ZNF106: variants seen among roughly 807,000 people sequenced by gnomAD.
The protein encoded by ZNF106 is SH3-domain binding protein 3.
In ZNF106, 67 loss-of-function variants were observed where a neutral mutation model predicts 195.1. The ratio of observed to expected loss-of-function variants is 0.34; its 90% CI spans 0.28 to 0.42. The LOEUF (loss-of-function observed/expected upper bound fraction) is 0.42, where lower values mean the gene tolerates loss of function less well. Among genes scored for constraint, ZNF106 ranks in the 10% least tolerant of loss-of-function variants. ZNF106 has a pLI of 1.00. For missense variants in ZNF106, 2,118 were observed against 2,304.5 expected (o/e 0.92, Z 1.66); for synonymous variants, 784 against 818.6 (o/e 0.96, Z 0.72).
At chr15:42,456,838 C>T (rs2056241539) in intron 4 of ZNF106, 120 bp downstream of exon 4, 1 of 926,804 alleles carries the variant, frequency 1.1e-6, no homozygotes, top group Non-Finnish European at 1.6e-6. Flanking sequence ...AGACAACAAC[C>T]TCAAGCTAAA....
At chr15:42,465,914 G>T in intron 3 of ZNF106, 139 bp downstream of exon 3, 1 of 599,582 alleles carries the variant, frequency 1.7e-6, no homozygotes, top group Non-Finnish European at 2.7e-6. Flanking sequence ...ACTACACTTG[G>T]TATTAATTCT....
In ZNF106 at chr15:42,421,979, G is replaced by T; in HGVS notation, c.5383C>A (p.Arg1795=). The T allele has an allele frequency of 6.3e-7, 1 of 1,575,454 alleles. No homozygotes were observed. Among genetic ancestry groups the T allele is most frequent in the South Asian group, 1.2e-5 (1 of 86,800 alleles). Residue 1795 remains arginine (R), a synonymous_variant, in exon 19 of 22, where the codon CGA becomes AGA. Coordinates refer to ENST00000564754, the MANE Select transcript of ZNF106 (RefSeq NM_001366845.3). ...TTGTGTCCTCCATAAACTTGTAATCGATCATGAGACTTAGGCAGAAAAAAA... is the reference window on the plus strand; with the variant it reads ...TTGTGTCCTCCATAAACTTGTAATCTATCATGAGACTTAGGCAGAAAAAAA... ...VRVYELQSHD[R]LQVYGGHKDM...
chr15:42,487,254 A>T (rs1300444776), intron 1 of ZNF106, among the ~76,000 whole-genome samples: 1 of 152,052 alleles, frequency 6.6e-6, no homozygotes, highest in Non-Finnish European at 1.5e-5. Flanking sequence ...GGCTGAGGCA[A>T]CAGAATCACT....
chr15:42,443,127 CAAAGTGCTGGGATT>C (rs1421708402), intron 9 of ZNF106, among the ~76,000 whole-genome samples: 1 of 152,102 alleles, frequency 6.6e-6, no homozygotes, highest in African/African-American at 2.4e-5. Flanking sequence ...CTCAGACTCC[CAAAGTGCTGGGATT>C]ACAGGCATGA....
At chr15:42,442,959 T>A (rs2055613648) in intron 9 of ZNF106, among the ~76,000 whole-genome samples, 1 of 152,010 alleles carries the variant, frequency 6.6e-6, no homozygotes, top group Non-Finnish European at 1.5e-5. Context: ...AATTTTTGTA[T>A]TTTTAGTAGA....
In ZNF106 at chr15:42,448,547, C is replaced by A. The variant is rs1344958910; in HGVS notation, c.2660G>T (p.Ser887Ile). The change falls in exon 6 of 22, where the codon AGC (serine) becomes ATC (isoleucine). Residue 887 changes from serine to isoleucine, a missense_variant. Ser to Ile is a moderately radical substitution (Grantham distance 142, BLOSUM62 -2). Transcript: ENST00000564754. The stretch of plus-strand genomic sequence containing the variant: ...AGAAGGAGCTCTGTCCATGATCACG[C>A]TGCTCTCAGAAAGGCTTCGCTTTCT... ...LARKRSLSES[S>I]VIMDRAPSVY... 1 of 1,614,020 alleles carries A rather than the reference C, an allele frequency of 6.2e-7. No homozygotes were observed. The highest frequency in any genetic ancestry group is 8.5e-7 in the Non-Finnish European group (1 of 1,180,026).
chr15:42,481,646 A>T (rs147259598), intron 1 of ZNF106, among the ~76,000 whole-genome samples: 1 of 152,272 alleles, frequency 6.6e-6, no homozygotes, highest in Non-Finnish European at 1.5e-5. Flanking sequence ...GGAGTGAGCC[A>T]CTACACCCGG....
chr15:42,468,068 C>CTTTTTT (rs200457966), intron 2 of ZNF106, among the ~76,000 whole-genome samples: 56 of 102,126 alleles, frequency 5.5e-4, no homozygotes, highest in East Asian at 8.6e-4. Flanking sequence ...TTCAAAACGC[C>CTTTTTT]TTTTTTTTTT....
At chr15:42,475,158 A>G (rs2056757753) in intron 1 of ZNF106, among the ~76,000 whole-genome samples, 1 of 152,200 alleles carries the variant, frequency 6.6e-6, no homozygotes, top group South Asian at 2.1e-4. Flanking sequence ...ATTTTATTCA[A>G]TAATAAAGTT....
chr15:42,469,591 CAGTACTTTGGG>C (rs1486217889), intron 2 of ZNF106, among the ~76,000 whole-genome samples: 3 of 151,948 alleles, frequency 2.0e-5, no homozygotes, highest in Non-Finnish European at 4.4e-5. Flanking sequence ...TAATTACGCC[CAGTACTTTGGG>C]AGGTCAAGGT....
chr15:42,476,838 T>G (rs2056795497), intron 1 of ZNF106, among the ~76,000 whole-genome samples: 1 of 152,188 alleles, frequency 6.6e-6, no homozygotes, highest in African/African-American at 2.4e-5. Context: ...AACTGTATAC[T>G]TTCTCTTCCT....
intron 1 of ZNF106, among the ~76,000 whole-genome samples, chr15:42,476,621 C>T (rs931156455): frequency 6.6e-6 from 1 of 152,040 alleles, no homozygotes; most frequent in Admixed American, 6.6e-5. Context: ...GTTAACAGTA[C>T]ATTTAGTAAT....
intron 12 of ZNF106, among the ~76,000 whole-genome samples, chr15:42,437,921 A>G (rs2055348326): frequency 2.0e-5 from 3 of 150,878 alleles, no homozygotes; most frequent in Admixed American, 2.0e-4. Context: ...AAAAAAAAAG[A>G]AAAAGAGCTT....
chr15:42,486,061 G>A (rs1483468184), intron 1 of ZNF106, among the ~76,000 whole-genome samples: 2 of 150,634 alleles, frequency 1.3e-5, no homozygotes, highest in South Asian at 4.2e-4. Context: ...GGGTTCAATC[G>A]ATTCTCCTGC....
intron 14 of ZNF106, among the ~76,000 whole-genome samples, chr15:42,428,540 C>T (rs1019721969): frequency 5.3e-5 from 8 of 152,190 alleles, no homozygotes; most frequent in Non-Finnish European, 1.0e-4. Flanking sequence ...TGGTTTTCCG[C>T]ACATGATTCT....
chr15:42,448,131 T>A lies in ZNF106; in HGVS notation c.3076A>T (p.Thr1026Ser), dbSNP rs1224482781. ...CCATCATTTTGTTCAGCACCAGAGG[T>A]ACAGCTACTATCTGTGGCTGCATCC... ...LADAATDSSCTSGAEQNDGQS... is the reference protein window; with the variant it reads ...LADAATDSSCSSGAEQNDGQS... The change falls in exon 6 of 22, where the codon ACC (threonine) becomes TCC (serine). Residue 1026 changes from threonine (T) to serine (S), a missense_variant. By Grantham distance (58) the Thr-to-Ser change is moderately conservative (BLOSUM62 1). Coordinates refer to ENST00000564754, the MANE Select transcript of ZNF106 (RefSeq NM_001366845.3). 3 of 1,614,178 alleles carry A rather than the reference T, an allele frequency of 1.9e-6. No homozygotes were observed. The South Asian group carries it at 3.3e-5, about 18-fold the overall frequency.
chr15:42,450,635 GA>G lies in ZNF106; in HGVS notation c.1636del (p.Ser546LeufsTer9). The stretch of plus-strand genomic sequence containing the variant: ...TAAATTATCACCAGATTGCTTTTGA[GA>G]GCCAAATGTACTTTTATTCCCTTTT... Reference protein sequence around the residue: ...VLKGNKSTFGSQKQSGDNLND... With the variant: ...VLKGNKSTFGXQKQSGDNLND... On this transcript the variant is annotated frameshift_variant, in exon 5 of 22. Coordinates refer to ENST00000564754, the MANE Select transcript of ZNF106 (RefSeq NM_001366845.3). LOFTEE classifies it high-confidence loss of function. 1 of 1,614,166 alleles carries G rather than the reference GA, an allele frequency of 6.2e-7. No individual in the cohort carries two copies. Among genetic ancestry groups the G allele is most frequent in the Non-Finnish European group, 8.5e-7 (1 of 1,180,024 alleles).
At chr15:42,478,254 C>G (rs1228231984) in intron 1 of ZNF106, among the ~76,000 whole-genome samples, 1 of 152,164 alleles carries the variant, frequency 6.6e-6, no homozygotes, top group Non-Finnish European at 1.5e-5. Context: ...ACCTCTGCCT[C>G]CTGGGTTCAA....
chr15:42,421,175 A>G, intron 19 of ZNF106, 43 bp from the exon 20 acceptor site: 2 of 1,548,992 alleles, frequency 1.3e-6, no homozygotes, highest in South Asian at 1.1e-5. Context: ...AAATACATAC[A>G]AACTACAAAA....
Sources: allele counts gnomAD v4.1 joint callset (sites outside exome capture counted in the v4.1 genomes callset), GRCh38; gene constraint gnomAD v4.1.1; transcripts MANE v1.5; gene names NCBI Gene and HGNC (gene_info 2026-07-23, HGNC 2026-07-21).